PGRMC2: variants seen among roughly 807,000 people sequenced by gnomAD.
PGRMC2 encodes the protein membrane-associated progesterone receptor component 2.
PGRMC2 carries 9 observed loss-of-function variants against 19.3 expected under a neutral mutation model. That is an observed-to-expected ratio of 0.47 (90% CI 0.28 to 0.81). The LOEUF is 0.81. PGRMC2 is among the 40% of genes least tolerant of loss of function. PGRMC2 has a pLI of 0.11. For missense variants in PGRMC2, 289 were observed against 297.3 expected (o/e 0.97, Z 0.21); for synonymous variants, 157 against 124.6 (o/e 1.26, Z -1.73).
chr4:128,272,447 A>G lies in PGRMC2; in HGVS notation c.489T>C (p.Asp163=). The G allele has an allele frequency of 6.3e-7, 1 of 1,589,624 alleles. No individual in the cohort carries two copies. The highest frequency in any genetic ancestry group is 8.6e-7 in the Non-Finnish European group (1 of 1,168,670). ...GATCATCATATTCATCTCTAAGTGC[A>G]TCTTTATCTAGGCAAAATGTGGCCA... ...RGLATFCLDK[D]ALRDEYDDLS... Residue 163 remains aspartate (D), a synonymous_variant, in exon 2 of 3, where the codon GAT becomes GAC. Transcript: ENST00000296425.
chr4:128,271,870 C>T (rs759313722), intron 2 of PGRMC2, among the ~76,000 whole-genome samples: 8 of 152,044 alleles, frequency 5.3e-5, no homozygotes, highest in African/African-American at 1.4e-4. Flanking sequence ...ATCTACATTT[C>T]GAGTGTTAAG....
chr4:128,278,374 A>C (rs1488783326), intron 1 of PGRMC2, among the ~76,000 whole-genome samples: 1 of 151,978 alleles, frequency 6.6e-6, no homozygotes, highest in Non-Finnish European at 1.5e-5. Flanking sequence ...TTTGAGACCA[A>C]CCTGGCCAAG....
At chr4:128,271,871 G>A (rs889101833) in intron 2 of PGRMC2, among the ~76,000 whole-genome samples, 6 of 152,174 alleles carry the variant, frequency 3.9e-5, no homozygotes, top group African/African-American at 4.8e-5. Flanking sequence ...TCTACATTTC[G>A]AGTGTTAAGA....
intron 1 of PGRMC2, chr4:128,272,789 T>C (rs1268250416): frequency 1.1e-5 from 3 of 264,844 alleles, no homozygotes; most frequent in East Asian, 6.6e-5. Context: ...CCAAACTTAA[T>C]ATTCAAAATG....
intron 1 of PGRMC2, among the ~76,000 whole-genome samples, chr4:128,275,928 T>G (rs534944819): frequency 6.6e-6 from 1 of 152,132 alleles, no homozygotes; most frequent in Admixed American, 6.5e-5. Flanking sequence ...GGTCTCCCTA[T>G]GTTGCCCAGC....
intron 1 of PGRMC2, among the ~76,000 whole-genome samples, chr4:128,283,965 TTTTTTA>T (rs1268670817): frequency 1.4e-3 from 123 of 90,476 alleles, no homozygotes; most frequent in Middle Eastern, 6.6e-3. Flanking sequence ...TGGCCTTTAT[TTTTTTA>T]TTTTTATTTT....
intron 1 of PGRMC2, among the ~76,000 whole-genome samples, chr4:128,282,910 C>T (rs1317530444): frequency 6.6e-6 from 1 of 152,210 alleles, no homozygotes; most frequent in Non-Finnish European, 1.5e-5. Flanking sequence ...TATTAGGCAT[C>T]TCATGGGGTT....
In PGRMC2 at chr4:128,280,180, G is replaced by T. The variant is rs1019100255; in HGVS notation, c.418+7193C>A. ...GGAGTGGGCACATATAACAGATACA[G>T]AAGCAGATTAAAGAACTAAAGTAAA... On this transcript the variant is annotated intron_variant, in intron 1 of 2. Coordinates refer to ENST00000296425, the MANE Select transcript of PGRMC2 (RefSeq NM_006320.6). 2.0e-5 allele frequency among the ~76,000 whole-genome samples: 3 copies of T among 151,790 alleles called. No homozygotes were observed. In the East Asian group the frequency reaches 5.8e-4, roughly 29 times the overall value.
intron 1 of PGRMC2, chr4:128,286,553 A>C (rs1760985960): frequency 5.0e-6 from 2 of 397,818 alleles, no homozygotes; most frequent in East Asian, 7.1e-5. Flanking sequence ...CTAAGTGAAA[A>C]CACAAGTCAT....
chr4:128,286,677 AAT>A lies in PGRMC2; in HGVS notation c.418+694_418+695del, dbSNP rs766183771. 5.0e-4 allele frequency: 201 copies of A among 398,580 alleles called. 1 individual carries two copies. The highest frequency in any genetic ancestry group is 1.6e-3 in the Admixed American group (37 of 22,742). The allele number at this position is 398,580 out of a possible 1,614,324, so 24.7% of individuals were successfully genotyped here. ...AAGGTGAATATCCTTACCAGTCTTT[AAT>A]AAGCTCTGCATTCTGGTCTGTTCTC... On this transcript the variant is annotated intron_variant, in intron 1 of 2. Transcript: ENST00000296425.
chr4:128,286,686 T>C (rs990098010), intron 1 of PGRMC2: 1 of 398,456 alleles, frequency 2.5e-6, no homozygotes, highest in Non-Finnish European at 4.4e-6. Flanking sequence ...TAATAAGCTC[T>C]GCATTCTGGT....
At chr4:128,273,379 A>G (rs1760761267) in intron 1 of PGRMC2, among the ~76,000 whole-genome samples, 1 of 152,170 alleles carries the variant, frequency 6.6e-6, no homozygotes, top group South Asian at 2.1e-4. Context: ...GTCCTTGAGA[A>G]CAGCAATTTG....
chr4:128,272,521 G>C lies in PGRMC2; in HGVS notation c.419-4C>G, dbSNP rs746842956. The C allele has an allele frequency of 1.5e-6, 2 of 1,318,654 alleles. No homozygotes were observed. The highest frequency in any genetic ancestry group is 3.3e-5 in the Admixed American group (1 of 30,676). The allele number at this position is 1,318,654 out of a possible 1,614,324, so 81.7% of individuals were successfully genotyped here. A position where few individuals can be genotyped will look rare whatever the true frequency, so the allele number is the denominator to read the frequency against. On this transcript the variant is annotated splice_polypyrimidine_tract_variant and splice_region_variant and intron_variant, in intron 1 of 2. Transcript: ENST00000296425. ...GCAAATATTCCATATGGACCCGCTG[G>C]AAAAAAGAAAATAAATTATTTAGAT...
chr4:128,278,309 G>A (rs1578884380), intron 1 of PGRMC2, among the ~76,000 whole-genome samples: 1 of 152,336 alleles, frequency 6.6e-6, no homozygotes, highest in East Asian at 1.9e-4. Context: ...ATAACCTTCT[G>A]TTAAAAAACA....
chr4:128,287,345 T>G, intron 1 of PGRMC2, 28 bp downstream of exon 1: 3 of 1,569,234 alleles, frequency 1.9e-6, no homozygotes, highest in South Asian at 1.2e-5. Context: ...CTGCAGGGGG[T>G]CCTTCCCCTC....
chr4:128,278,939 T>C (rs1257526957), intron 1 of PGRMC2, among the ~76,000 whole-genome samples: 1 of 152,230 alleles, frequency 6.6e-6, no homozygotes, highest in East Asian at 1.9e-4. Flanking sequence ...CTGGGCGCAG[T>C]GGCTCATGCC....
At position 128,280,352 on chromosome 4, in the gene PGRMC2, G is replaced by GAAAAAAAAAAAAAAAAAAAAAAAAAAAAA. The variant is rs747302016; in HGVS notation, c.418+7020_418+7021insTTTTTTTTTTTTTTTTTTTTTTTTTTTTT. On this transcript the variant is annotated intron_variant, in intron 1 of 2. Transcript: ENST00000296425. ...GCAATAAGTAACAGCAAATTTTCTGGGAAAAAAAAAAAAAAAAAAAAAAGG... is the reference window on the plus strand; with the variant it reads ...GCAATAAGTAACAGCAAATTTTCTGGAAAAAAAAAAAAAAAAAAAAAAAAAAAAAGAAAAAAAAAAAAAAAAAAAAAAGG... Among the ~76,000 whole-genome samples, 2 of 60,540 alleles carry GAAAAAAAAAAAAAAAAAAAAAAAAAAAAA rather than the reference G, an allele frequency of 3.3e-5. 1 individual carries two copies. 39.7% of individuals were successfully genotyped at this position (60,540 alleles called of 152,430 possible).
rs1328640730 is a variant in PGRMC2, at chr4:128,269,949, G to C, written c.*1367C>G. On this transcript the variant is annotated 3_prime_UTR_variant, in exon 3 of 3. Transcript: ENST00000296425. ...TTACCTGAATAATCTTGGATTTCTG[G>C]AGAATGTTCCACAAAGTGGAATTTC... is the stretch of plus-strand genomic sequence containing the variant. The C allele has an allele frequency of 6.6e-6, 1 of 152,564 alleles. No individual in the cohort carries two copies. The highest frequency in any genetic ancestry group is 2.4e-5 in the African/African-American group (1 of 41,436). 9.5% of individuals were successfully genotyped at this position (152,564 alleles called of 1,614,324 possible).
At chr4:128,285,941 T>A (rs1323097434) in intron 1 of PGRMC2, among the ~76,000 whole-genome samples, 1 of 151,912 alleles carries the variant, frequency 6.6e-6, no homozygotes, top group Non-Finnish European at 1.5e-5. Context: ...AATGTGTATA[T>A]ATACACAGAA....
Sources: gnomAD v4.1 joint callset for allele counts (sites outside exome capture counted in the v4.1 genomes callset) on GRCh38, gnomAD v4.1.1 for gene constraint, MANE v1.5 for transcripts, NCBI Gene and HGNC (gene_info 2026-07-23, HGNC 2026-07-21) for gene names.